Variants in ATP13A2 observed in about 807,000 individuals in gnomAD.
ATP13A2 encodes the protein polyamine-transporting ATPase 13A2.
A neutral mutation model predicts 138.3 loss-of-function variants in ATP13A2; 83 were observed. The ratio of observed to expected loss-of-function variants is 0.60; its 90% CI spans 0.50 to 0.72. The LOEUF is 0.72. ATP13A2 is among the 30% of genes least tolerant of loss of function. The pLI is 0.00. For missense variants in ATP13A2, 1,402 were observed against 1,606.4 expected, an observed-to-expected ratio of 0.87 and a Z score of 2.17; for synonymous variants, 663 against 699.0, an observed-to-expected ratio of 0.95 and a Z score of 0.81.
In ATP13A2 at chr1:16,991,673, T is replaced by C. The variant is rs571336306; in HGVS notation, c.2251+61A>G. The C allele has an allele frequency of 5.6e-6, 9 of 1,612,896 alleles. No individual in the cohort carries two copies. The African/African-American group carries it at 1.2e-4, about 21-fold the overall frequency. On this transcript the variant is annotated intron_variant, in intron 20 of 28. Coordinates refer to ENST00000326735, the MANE Select transcript of ATP13A2 (RefSeq NM_022089.4). ...CAAAAAGGAATCCCTGGTGCCCCTCTTCTCTGCCAGGAAGGGGCGGATTCT... is the reference window on the plus strand; with the variant it reads ...CAAAAAGGAATCCCTGGTGCCCCTCCTCTCTGCCAGGAAGGGGCGGATTCT...
rs2076804594 is a variant in ATP13A2, at chr1:16,988,242, G to T, written c.2763-8C>A. On this transcript the variant is annotated splice_region_variant and splice_polypyrimidine_tract_variant and intron_variant, in intron 24 of 28. Coordinates refer to ENST00000326735, the MANE Select transcript of ATP13A2 (RefSeq NM_022089.4). ...AGGGAACAGCGCCCCTCCCTGGGTG[G>T]CAGGGCACGGACATTAGGGGACCCA... The T allele has an allele frequency of 6.2e-7, 1 of 1,614,170 alleles. No individual in the cohort carries two copies. The highest frequency in any genetic ancestry group is 8.5e-7 in the Non-Finnish European group (1 of 1,180,002).
chr1:17,003,538 C>T (rs2077437363), intron 6 of ATP13A2, among the ~76,000 whole-genome samples: 1 of 147,592 alleles, frequency 6.8e-6, no homozygotes, highest in Non-Finnish European at 1.5e-5. Flanking sequence ...GCCCGGGCAA[C>T]AAGAGTGAAA....
In ATP13A2 at chr1:17,004,289, C is replaced by T. The variant is rs2077469010; in HGVS notation, c.557+43G>A. ...CCACCGTCTGTGCCCAAACCAGTGCCACTCTGGGAGGTGACATGAGCCACA... is the reference window on the plus strand; with the variant it reads ...CCACCGTCTGTGCCCAAACCAGTGCTACTCTGGGAGGTGACATGAGCCACA... On this transcript the variant is annotated intron_variant, in intron 6 of 28. Transcript: ENST00000326735. This position sits in a 1 kb window ranked among gnomAD's most constrained non-coding sequence, Gnocchi z 4.1. 2 of 1,595,338 alleles carry T rather than the reference C, an allele frequency of 1.3e-6. No individual in the cohort carries two copies. The highest frequency in any genetic ancestry group is 2.7e-5 in the African/African-American group (2 of 74,458).
chr1:17,002,959 T>G (rs2077414647), intron 6 of ATP13A2, among the ~76,000 whole-genome samples: 1 of 152,218 alleles, frequency 6.6e-6, no homozygotes, highest in Non-Finnish European at 1.5e-5. Flanking sequence ...GCCTTCTGGC[T>G]GCATGTGAAT....
Position 16,996,455 on chromosome 1 carries a change from G to A in ATP13A2, c.1237C>T (p.His413Tyr), listed in dbSNP as rs1553168739. The A allele has an allele frequency of 1.2e-6, 2 of 1,614,118 alleles. No individual in the cohort carries two copies. The highest frequency in any genetic ancestry group is 1.7e-6 in the Non-Finnish European group (2 of 1,180,016). ...AACTTGAAGTTGATGGGCCGGGGGT[G>A]CAAGATGGAGCTCACCAGGCCCCCT... Reference protein sequence around the residue: ...AKGGLVSSILHPRPINFKFYK... With the variant: ...AKGGLVSSILYPRPINFKFYK... Residue 413 changes from histidine (H) to tyrosine (Y), a missense_variant, in exon 13 of 29, where the codon CAC becomes TAC. His to Tyr is a moderately conservative substitution (Grantham distance 83). Coordinates refer to ENST00000326735, the MANE Select transcript of ATP13A2 (RefSeq NM_022089.4).
intron 11 of ATP13A2, among the ~76,000 whole-genome samples, chr1:16,999,126 A>G (rs2077248158): frequency 6.6e-6 from 1 of 152,098 alleles, no homozygotes; most frequent in Admixed American, 6.6e-5. Context: ...CATGCTTGTA[A>G]TCCCAGCACT....
At position 17,007,291 on chromosome 1, in the gene ATP13A2, T is replaced by C. The variant is rs1224063646; in HGVS notation, c.11-1513A>G. On this transcript the variant is annotated intron_variant, in intron 1 of 28. Transcript: ENST00000326735. ...CGGGTAGAGCTCACCAGCCCCACCC[T>C]TGGACAGCCTCTGTCAGGGTTCATC... Among the ~76,000 whole-genome samples, 4 of 152,270 alleles carry C rather than the reference T, an allele frequency of 2.6e-5. No individual in the cohort carries two copies. The East Asian group carries it at 7.7e-4, about 29-fold the overall frequency.
chr1:17,006,249 C>A (rs115217059), intron 1 of ATP13A2, among the ~76,000 whole-genome samples: 6,355 of 139,834 alleles, frequency 0.045, 186 homozygotes, highest in African/African-American at 0.087. Flanking sequence ...TCTTACTTAC[C>A]GTATCTTTTT....
chr1:17,005,449 C>G lies in ATP13A2; in HGVS notation c.213G>C (p.Trp71Cys), dbSNP rs1468568465. The change falls in exon 3 of 29, where the codon TGG becomes TGC. Residue 71 changes from tryptophan to cysteine, a missense_variant. By Grantham distance (215) the Trp-to-Cys change is radical. Transcript: ENST00000326735. ...PLLLFRWKPL[W>C]GVRLRLRPCN... ...AGGGCCGGAGCCGCAGCCGCACCCC[C>G]CACAGGGGCTTCCAACGGAAGAGCA... 1.2e-6 allele frequency: 2 copies of G among 1,614,170 alleles called. No individual in the cohort carries two copies. The highest frequency in any genetic ancestry group is 1.7e-5 in the Admixed American group (1 of 60,014).
At chr1:17,000,725 A>G in intron 8 of ATP13A2, 191 bp from the exon 9 acceptor site, 1 of 711,018 alleles carries the variant, frequency 1.4e-6, no homozygotes, top group Non-Finnish European at 2.3e-6. Context: ...TCCGCTCTAA[A>G]GAGGACAAGG....
chr1:16,990,825 T>C (rs1390064262), intron 20 of ATP13A2, among the ~76,000 whole-genome samples: 1 of 151,928 alleles, frequency 6.6e-6, no homozygotes, highest in African/African-American at 2.4e-5. Context: ...CCAGGCTACA[T>C]ATACTCCTTA....
chr1:17,003,584 ACC>A (rs1491215444), intron 6 of ATP13A2, among the ~76,000 whole-genome samples: 1 of 76,786 alleles, frequency 1.3e-5, no homozygotes. Flanking sequence ...AACCAAAAAA[ACC>A]ACACACACAC....
chr1:16,993,934 AC>A, intron 15 of ATP13A2, 99 bp from the exon 16 acceptor site: 1 of 1,025,872 alleles, frequency 9.7e-7, no homozygotes, highest in Non-Finnish European at 1.4e-6. Context: ...CCCTATGGGA[AC>A]CCCAGGAACT....
chr1:16,990,956 C>A (rs1473862833), intron 20 of ATP13A2, among the ~76,000 whole-genome samples: 3 of 143,638 alleles, frequency 2.1e-5, no homozygotes, highest in Non-Finnish European at 4.6e-5. Flanking sequence ...TAGCTAGAAT[C>A]TTTTTTTTTT....
chr1:16,989,618 G>A, intron 23 of ATP13A2, 73 bp downstream of exon 23: 1 of 1,491,336 alleles, frequency 6.7e-7, no homozygotes, highest in Non-Finnish European at 9.3e-7. Context: ...CCCTGGGGAA[G>A]GACAGATGAA....
chr1:16,992,667 G>A, intron 16 of ATP13A2, 86 bp from the exon 17 acceptor site: 1 of 1,382,610 alleles, frequency 7.2e-7, no homozygotes, highest in Non-Finnish European at 1.0e-6. Flanking sequence ...CTTCCTTCAT[G>A]GGAGACTGAA....
chr1:16,997,440 T>G (rs2100931513), intron 11 of ATP13A2, among the ~76,000 whole-genome samples: 2 of 113,566 alleles, frequency 1.8e-5, no homozygotes, highest in African/African-American at 7.5e-5. Flanking sequence ...AGACAGAGCA[T>G]GTGTGGGCAT....
Position 17,011,265 on chromosome 1 carries a change from G to A in ATP13A2, c.10+464C>T, listed in dbSNP as rs761246016. On this transcript the variant is annotated intron_variant, in intron 1 of 28. Transcript: ENST00000326735. This position sits in a 1 kb window ranked among gnomAD's most constrained non-coding sequence, Gnocchi z 7.3. The stretch of plus-strand genomic sequence containing the variant: ...CGCTGTGGCCCAGGACATCTACCCA[G>A]GAAATGGAGTCCCGACTCCCCCAAC... Among the ~76,000 whole-genome samples, 48 of 152,092 alleles carry A rather than the reference G, an allele frequency of 3.2e-4. 1 individual carries two copies. Among genetic ancestry groups the A allele is most frequent in the Non-Finnish European group, 5.4e-4 (37 of 67,994 alleles).
At position 16,995,929 on chromosome 1, in the gene ATP13A2, C is replaced by T. The variant is rs963692920; in HGVS notation, c.1542+47G>A. 4.0e-5 allele frequency: 64 copies of T among 1,610,918 alleles called. No homozygotes were observed. The East Asian group carries it at 1.1e-3, about 29-fold the overall frequency. On this transcript the variant is annotated intron_variant, in intron 15 of 28. Transcript: ENST00000326735. The surrounding 1 kb of genome is among the most constrained non-coding windows in gnomAD (Gnocchi z 4.1). ...CGGGTGTGGAGGCCTCACTGGGGCG[C>T]CTGTGGCTGTCCCGCTCCCCTGCAC...
Sources: allele counts gnomAD v4.1 joint callset (sites outside exome capture counted in the v4.1 genomes callset), GRCh38; gene constraint gnomAD v4.1.1; non-coding constraint Gnocchi (gnomAD v3.1); transcripts MANE v1.5; gene names NCBI Gene and HGNC (gene_info 2026-07-23, HGNC 2026-07-21).